The following SPATA16 variants were observed in gnomAD, a reference collection of about 807,000 sequenced individuals.
SPATA16 encodes spermatogenesis-associated protein 16.
SPATA16 carries 36 observed loss-of-function variants against 63.3 expected under a neutral mutation model. That is an observed-to-expected ratio of 0.57 (90% CI 0.44 to 0.75). SPATA16 has a LOEUF of 0.75. Ranked by LOEUF, SPATA16 falls within the 30% of genes least tolerant of loss-of-function variation. SPATA16 has a pLI of 0.00. For synonymous variants in SPATA16, 203 were observed against 216.7 expected (o/e 0.94, Z 0.56); for missense variants, 646 against 679.3 (o/e 0.95, Z 0.54).
At chr3:173,064,434 G>C (rs1736466981) in intron 2 of SPATA16, among the ~76,000 whole-genome samples, 1 of 150,920 alleles carries the variant, frequency 6.6e-6, no homozygotes, top group African/African-American at 2.4e-5. Flanking sequence ...ATTTATAGCA[G>C]TATTAAGTAT....
At chr3:173,113,719 A>T (rs1737810574) in intron 2 of SPATA16, among the ~76,000 whole-genome samples, 1 of 152,238 alleles carries the variant, frequency 6.6e-6, no homozygotes, top group South Asian at 2.1e-4. Flanking sequence ...TAATGGGTTT[A>T]TTAGATGCAT....
intron 1 of SPATA16, among the ~76,000 whole-genome samples, chr3:173,136,547 T>C (rs1738549937): frequency 6.6e-6 from 1 of 152,146 alleles, no homozygotes; most frequent in African/African-American, 2.4e-5. Context: ...TACAGTTAAG[T>C]TATTATTGAC....
intron 4 of SPATA16, among the ~76,000 whole-genome samples, chr3:172,982,558 G>T (rs1004167990): frequency 1.3e-5 from 2 of 152,090 alleles, no homozygotes; most frequent in Admixed American, 1.3e-4. Context: ...CCAGAATCTG[G>T]TTTTTAAGTA....
chr3:173,083,661 C>T (rs537504320), intron 2 of SPATA16, among the ~76,000 whole-genome samples: 8 of 152,146 alleles, frequency 5.3e-5, no homozygotes, highest in African/African-American at 1.9e-4. Flanking sequence ...CCCGAAAGGC[C>T]CCAGTGTGTG....
chr3:172,979,066 T>G (rs554279238), intron 4 of SPATA16, among the ~76,000 whole-genome samples: 11 of 152,128 alleles, frequency 7.2e-5, no homozygotes, highest in Non-Finnish European at 1.3e-4. Context: ...TGAAACCCCA[T>G]CTCTACTAAA....
intron 4 of SPATA16, among the ~76,000 whole-genome samples, chr3:173,013,532 C>T (rs965385486): frequency 1.3e-5 from 2 of 152,198 alleles, no homozygotes; most frequent in Non-Finnish European, 2.9e-5. Context: ...AGGGGGTGGG[C>T]TAGCTTGAAG....
At chr3:173,076,593 AT>A (rs1736809438) in intron 2 of SPATA16, among the ~76,000 whole-genome samples, 1 of 152,098 alleles carries the variant, frequency 6.6e-6, no homozygotes, top group African/African-American at 2.4e-5. Flanking sequence ...TAAAAAAATT[AT>A]TTTAAACAGC....
At chr3:173,077,303 G>A (rs140007968) in intron 2 of SPATA16, among the ~76,000 whole-genome samples, 4 of 151,902 alleles carry the variant, frequency 2.6e-5, no homozygotes, top group African/African-American at 9.7e-5. Context: ...TTGAAAAATG[G>A]TAGAAGGCAG....
intron 10 of SPATA16, among the ~76,000 whole-genome samples, chr3:172,901,155 A>T (rs1202190762): frequency 6.6e-6 from 1 of 151,680 alleles, no homozygotes; most frequent in Non-Finnish European, 1.5e-5. Context: ...TGTGTTTGTA[A>T]TTGCTCATTA....
In SPATA16 at chr3:173,058,854, T is replaced by G. The variant is rs187826641; in HGVS notation, c.613-9760A>C. On this transcript the variant is annotated intron_variant, in intron 2 of 10. Coordinates refer to ENST00000351008, the MANE Select transcript of SPATA16 (RefSeq NM_031955.6). ...GCTTTATAAAACAAACTGGAAAGAT[T>G]GGAAAGATTGCCATCTTTCTAAATA... 2.6e-5 allele frequency among the ~76,000 whole-genome samples: 4 copies of G among 152,226 alleles called. No homozygotes were observed. The East Asian group carries it at 7.7e-4, about 29-fold the overall frequency.
At chr3:172,919,413 C>T (rs1732570674) in intron 8 of SPATA16, among the ~76,000 whole-genome samples, 1 of 152,138 alleles carries the variant, frequency 6.6e-6, no homozygotes, top group Non-Finnish European at 1.5e-5. Flanking sequence ...GATTATAACT[C>T]TTAAAATGCT....
At chr3:173,033,401 A>T (rs1014086655) in intron 3 of SPATA16, among the ~76,000 whole-genome samples, 8 of 152,208 alleles carry the variant, frequency 5.3e-5, no homozygotes, top group African/African-American at 1.9e-4. Flanking sequence ...GTAATACAGT[A>T]TATCAACCTA....
At chr3:172,969,316 T>A (rs879880461) in intron 5 of SPATA16, among the ~76,000 whole-genome samples, 4 of 152,182 alleles carry the variant, frequency 2.6e-5, no homozygotes, top group Non-Finnish European at 5.9e-5. Flanking sequence ...TATAAAGTAT[T>A]TAAATTGCAT....
chr3:173,022,368 G>C (rs1415723575), intron 3 of SPATA16, among the ~76,000 whole-genome samples: 2 of 152,030 alleles, frequency 1.3e-5, no homozygotes, highest in African/African-American at 4.8e-5. Flanking sequence ...CACAGACCCA[G>C]TCTCTACTCT....
Position 172,961,069 on chromosome 3 carries a change from T to TCTTCCTTCCTTCCTTCCTTC in SPATA16, c.934-4265_934-4246dup, listed in dbSNP as rs770794784. On this transcript the variant is annotated intron_variant, in intron 5 of 10. Coordinates refer to ENST00000351008, the MANE Select transcript of SPATA16 (RefSeq NM_031955.6). The stretch of plus-strand genomic sequence containing the variant: ...CTTTCTTCTTTCTTTCTTTCTTCTT[T>TCTTCCTTCCTTCCTTCCTTC]CTTCCTTCCTTCCTTCCTTCCTTCC... Among the ~76,000 whole-genome samples the TCTTCCTTCCTTCCTTCCTTC allele has an allele frequency of 3.2e-3, 234 of 72,212 alleles. 2 individuals are homozygous for TCTTCCTTCCTTCCTTCCTTC. The highest frequency in any genetic ancestry group is 4.0e-3 in the South Asian group (7 of 1,764). The allele number at this position is 72,212 out of a possible 152,430, so 47.4% of individuals were successfully genotyped here.
intron 2 of SPATA16, among the ~76,000 whole-genome samples, chr3:173,055,602 T>A (rs1336307099): frequency 6.6e-6 from 1 of 152,234 alleles, no homozygotes; most frequent in Non-Finnish European, 1.5e-5. Flanking sequence ...AGCTAGGGAC[T>A]GCATAGGTGT....
At chr3:172,936,058 G>A (rs761051766) in intron 6 of SPATA16, among the ~76,000 whole-genome samples, 10 of 152,128 alleles carry the variant, frequency 6.6e-5, no homozygotes, top group Admixed American at 1.3e-4. Context: ...AGTGAGAGGT[G>A]GTGTGGTATC....
intron 1 of SPATA16, among the ~76,000 whole-genome samples, chr3:173,140,472 T>A (rs1738679892): frequency 6.6e-6 from 1 of 152,230 alleles, no homozygotes; most frequent in African/African-American, 2.4e-5. Flanking sequence ...CATTTACTCA[T>A]TCATACAGCA....
At chr3:173,079,747 C>T (rs1000112758) in intron 2 of SPATA16, among the ~76,000 whole-genome samples, 1 of 152,086 alleles carries the variant, frequency 6.6e-6, no homozygotes, top group Non-Finnish European at 1.5e-5. Flanking sequence ...CTTTAACATA[C>T]TACAAATCAA....
Sources: gnomAD v4.1 joint callset for allele counts (sites outside exome capture counted in the v4.1 genomes callset) on GRCh38, gnomAD v4.1.1 for gene constraint, MANE v1.5 for transcripts, NCBI Gene and HGNC (gene_info 2026-07-23, HGNC 2026-07-21) for gene names.